Variants in ZNF462 observed in about 807,000 individuals in gnomAD.
ZNF462 encodes zinc finger PBX1-interacting protein.
Under a neutral mutation model 201.9 loss-of-function variants are expected in ZNF462, and 10 were observed. That is an observed-to-expected ratio of 0.05 (90% confidence interval 0.03 to 0.08). The LOEUF (loss-of-function observed/expected upper bound fraction) is 0.08, where lower values mean the gene tolerates loss of function less well. ZNF462 is among the 10% of genes least tolerant of loss of function. ZNF462 has a pLI of 1.00. For synonymous variants in ZNF462, 1,227 were observed against 1,193.3 expected (o/e 1.03, Z -0.58); for missense variants, 2,523 against 3,168.3 (o/e 0.80, Z 4.89).
At position 106,984,686 on chromosome 9, in the gene ZNF462, G is replaced by C. The variant is rs1192034980; in HGVS notation, c.7056+277G>C. Reference sequence around the variant, plus strand: ...CTGTTCTCTAGACCCACTTTCATTTGTTTTACGTAATTGTGATTATACTAT... The same window carrying C: ...CTGTTCTCTAGACCCACTTTCATTTCTTTTACGTAATTGTGATTATACTAT... On this transcript the variant is annotated intron_variant, in intron 10 of 12. Transcript: ENST00000277225. The surrounding 1 kb of genome is among the most constrained non-coding windows in gnomAD (Gnocchi z 6.4). Among the ~76,000 whole-genome samples the C allele has an allele frequency of 6.6e-6, 1 of 152,070 alleles. No individual in the cohort carries two copies. Among genetic ancestry groups the C allele is most frequent in the Non-Finnish European group, 1.5e-5 (1 of 67,998 alleles).
intron 11 of ZNF462, among the ~76,000 whole-genome samples, chr9:107,007,812 G>A (rs1489796884): frequency 6.6e-6 from 1 of 152,154 alleles, no homozygotes; most frequent in Non-Finnish European, 1.5e-5. Flanking sequence ...GTGCCCAGTG[G>A]CCTCCTCCTT....
upstream of ZNF462, among the ~76,000 whole-genome samples, chr9:106,862,076 C>T (rs1184605209): frequency 1.3e-5 from 2 of 152,050 alleles, no homozygotes; most frequent in African/African-American, 2.4e-5. This position sits in a 1 kb window ranked among gnomAD's most constrained non-coding sequence, Gnocchi z 4.2. Context: ...CTCCTCCACC[C>T]CCCCACCTTC....
chr9:106,896,040 C>G (rs952466134), intron 1 of ZNF462, among the ~76,000 whole-genome samples: 1 of 152,106 alleles, frequency 6.6e-6, no homozygotes, highest in African/African-American at 2.4e-5. Context: ...CATAACTGCC[C>G]TCTCCATCTC....
At chr9:106,952,821 C>A (rs10978681) in intron 7 of ZNF462, among the ~76,000 whole-genome samples, 1 of 152,026 alleles carries the variant, frequency 6.6e-6, no homozygotes, top group Non-Finnish European at 1.5e-5. Flanking sequence ...AGACAGGAAC[C>A]TCCATGACTA....
In ZNF462 at chr9:106,924,578, G is replaced by A. The variant is rs371582330; in HGVS notation, c.666G>A (p.Glu222=). ...ACCCCTGCAAGGAACTGCCAGCAGAGGTTGTGGAGCGCAGCATCTTAGAGT... is the reference window on the plus strand; with the variant it reads ...ACCCCTGCAAGGAACTGCCAGCAGAAGTTGTGGAGCGCAGCATCTTAGAGT... ...LQDPCKELPA[E]VVERSILESM... The change falls in exon 3 of 13, where the codon GAG becomes GAA. Residue 222 remains glutamate, a synonymous_variant. Coordinates refer to ENST00000277225, the MANE Select transcript of ZNF462 (RefSeq NM_021224.6). This position sits in a 1 kb window ranked among gnomAD's most constrained non-coding sequence, Gnocchi z 6.2. 42 of 1,614,106 alleles carry A rather than the reference G, an allele frequency of 2.6e-5. No homozygotes were observed. The highest frequency in any genetic ancestry group is 3.3e-5 in the Non-Finnish European group (39 of 1,180,056).
rs201281460 is a variant in ZNF462, at chr9:106,984,403, G to C, written c.7050G>C (p.Glu2350Asp). The change falls in exon 10 of 13, where the codon GAG (glutamate) becomes GAC (aspartate). Residue 2350 changes from glutamate to aspartate, a missense_variant. By Grantham distance (45) the Glu-to-Asp change is conservative (BLOSUM62 2). This residue lies in a region of ZNF462 where 228 missense variants were observed against 361.2 expected (regional missense o/e 0.63). Coordinates refer to ENST00000277225, the MANE Select transcript of ZNF462 (RefSeq NM_021224.6). This position sits in a 1 kb window ranked among gnomAD's most constrained non-coding sequence, Gnocchi z 6.4. The part of the protein sequence containing the change: ...TEELDSHLRD[E>D]HKVSRNFELV... ...AACTGGACAGCCACCTTCGGGATGA[G>C]CATAAGGTACTTACCAGGACTTCCT... 1,020 of 1,611,944 alleles carry C rather than the reference G, an allele frequency of 6.3e-4. 1 individual carries two copies. The highest frequency in any genetic ancestry group is 8.1e-4 in the Non-Finnish European group (959 of 1,179,120).
intron 10 of ZNF462, among the ~76,000 whole-genome samples, chr9:106,987,290 G>T (rs1218537300): frequency 6.6e-6 from 1 of 152,130 alleles, no homozygotes; most frequent in African/African-American, 2.4e-5. Context: ...CAGTGTAGAA[G>T]TGTTCGCTCT....
rs1165924453 is a variant in ZNF462, at chr9:106,863,186, G to A, written c.-200G>A. 9 of 399,152 alleles carry A rather than the reference G, an allele frequency of 2.3e-5. No individual in the cohort carries two copies. The highest frequency in any genetic ancestry group is 3.5e-5 in the Non-Finnish European group (8 of 226,380). The allele number at this position is 399,152 out of a possible 1,614,324, so 24.7% of individuals were successfully genotyped here. A position where few individuals can be genotyped will look rare whatever the true frequency, so the allele number is the denominator to read the frequency against. ...GCAGCGAGTCTGAGGAGCCGAGGAA[G>A]GCAGGGAAGATGGCGATCCTCCATT... On this transcript the variant is annotated 5_prime_UTR_variant, in exon 1 of 13. Transcript: ENST00000277225.
chr9:106,991,839 T>TCTACAC (rs941555040), intron 10 of ZNF462, among the ~76,000 whole-genome samples: 3 of 136,260 alleles, frequency 2.2e-5, no homozygotes, highest in African/African-American at 8.5e-5. Flanking sequence ...CAGCACTCTC[T>TCTACAC]ACACACACAC....
At position 106,905,016 on chromosome 9, in the gene ZNF462, G is replaced by A. The variant is rs1311472379; in HGVS notation, c.-30-18338G>A. ...AGAGCCTTGTTTTGTCATATTACCAGGGTTGGTTTTCTGGTTTCTTCTCAT... is the reference window on the plus strand; with the variant it reads ...AGAGCCTTGTTTTGTCATATTACCAAGGTTGGTTTTCTGGTTTCTTCTCAT... On this transcript the variant is annotated intron_variant, in intron 1 of 12. Transcript: ENST00000277225. This position sits in a 1 kb window ranked among gnomAD's most constrained non-coding sequence, Gnocchi z 5.9. 6.6e-6 allele frequency among the ~76,000 whole-genome samples: 1 copy of A among 152,108 alleles called. No individual in the cohort carries two copies. Among genetic ancestry groups the A allele is most frequent in the Non-Finnish European group, 1.5e-5 (1 of 68,014 alleles).
At position 107,009,676 on chromosome 9, in the gene ZNF462, G is replaced by T; in HGVS notation, c.7313+8G>T. On this transcript the variant is annotated splice_region_variant and intron_variant, in intron 12 of 12. Coordinates refer to ENST00000277225, the MANE Select transcript of ZNF462 (RefSeq NM_021224.6). This position sits in a 1 kb window ranked among gnomAD's most constrained non-coding sequence, Gnocchi z 6.1. ...TGTGCTGAGACACGGCATGTAAGTT[G>T]GGCCACTTCAAGGATGCCTTTGTCC... The T allele has an allele frequency of 6.2e-7, 1 of 1,612,738 alleles. No homozygotes were observed. The highest frequency in any genetic ancestry group is 8.5e-7 in the Non-Finnish European group (1 of 1,179,834).
At chr9:106,916,986 C>T (rs1008717883) in intron 1 of ZNF462, among the ~76,000 whole-genome samples, 1 of 152,228 alleles carries the variant, frequency 6.6e-6, no homozygotes, top group African/African-American at 2.4e-5. Flanking sequence ...CTTTTATCTC[C>T]TTATTCAAAT....
In ZNF462 at chr9:106,872,583, G is replaced by A. The variant is rs1471506201; in HGVS notation, c.-31+9228G>A. The stretch of plus-strand genomic sequence containing the variant: ...TCACTGTGTTGTCCAGGCTGGTCTC[G>A]AACTCCTGAGCTCAGGCAATCTGCC... On this transcript the variant is annotated intron_variant, in intron 1 of 12. Transcript: ENST00000277225. This position sits in a 1 kb window ranked among gnomAD's most constrained non-coding sequence, Gnocchi z 4.5. Among the ~76,000 whole-genome samples the A allele has an allele frequency of 6.6e-6, 1 of 151,986 alleles. No homozygotes were observed. Among genetic ancestry groups the A allele is most frequent in the Admixed American group, 6.6e-5 (1 of 15,250 alleles).
At chr9:106,863,502 T>C in intron 1 of ZNF462, 147 bp downstream of exon 1, 1 of 260,510 alleles carries the variant, frequency 3.8e-6, no homozygotes, top group Non-Finnish European at 6.9e-6. Context: ...CTGCATGGAC[T>C]GGCTGTTGGA....
chr9:106,880,668 T>C lies in ZNF462; in HGVS notation c.-31+17313T>C, dbSNP rs916871529. ...TTTTATTAATGGTTTAAGTTGGGCC[T>C]TTTATAACTGATACTCACCTATATT... On this transcript the variant is annotated intron_variant, in intron 1 of 12. Coordinates refer to ENST00000277225, the MANE Select transcript of ZNF462 (RefSeq NM_021224.6). The surrounding 1 kb of genome is among the most constrained non-coding windows in gnomAD (Gnocchi z 4.1). Among the ~76,000 whole-genome samples, 8 of 152,226 alleles carry C rather than the reference T, an allele frequency of 5.3e-5. No homozygotes were observed. Among genetic ancestry groups the C allele is most frequent in the African/African-American group, 1.9e-4 (8 of 41,456 alleles).
intron 1 of ZNF462, among the ~76,000 whole-genome samples, chr9:106,869,397 G>A (rs1426666397): frequency 6.6e-6 from 1 of 152,178 alleles, no homozygotes; most frequent in Non-Finnish European, 1.5e-5. Context: ...TAACAACACA[G>A]ACATTTAACC....
chr9:106,952,823 C>T (rs945571822), intron 7 of ZNF462, among the ~76,000 whole-genome samples: 1 of 152,116 alleles, frequency 6.6e-6, no homozygotes, highest in Non-Finnish European at 1.5e-5. Context: ...ACAGGAACCT[C>T]CATGACTAGC....
In ZNF462 at chr9:107,009,455, G is replaced by A. The variant is rs1020338942; in HGVS notation, c.7190-90G>A. Reference sequence around the variant, plus strand: ...TCACCACATGGCTTTATCAGTGAAGGTAGGAGAGAGGGTATCCTAATGAAT... The same window carrying A: ...TCACCACATGGCTTTATCAGTGAAGATAGGAGAGAGGGTATCCTAATGAAT... On this transcript the variant is annotated intron_variant, in intron 11 of 12. Transcript: ENST00000277225. This position sits in a 1 kb window ranked among gnomAD's most constrained non-coding sequence, Gnocchi z 6.1. 5.2e-6 allele frequency: 8 copies of A among 1,539,650 alleles called. No homozygotes were observed. Among genetic ancestry groups the A allele is most frequent in the Non-Finnish European group, 7.1e-6 (8 of 1,128,948 alleles).
chr9:106,930,593 C>T lies in ZNF462; in HGVS notation c.5916C>T (p.Phe1972=). ...ERKVVGYKCK[F]CVEVHPTLRA... The stretch of plus-strand genomic sequence containing the variant: ...AAGTGGTGGGCTACAAATGTAAATT[C>T]TGTGTGGAAGTGCACCCAACGCTCC... Residue 1972 remains phenylalanine, a synonymous_variant, in exon 4 of 13, where the codon TTC becomes TTT. Transcript: ENST00000277225. This position sits in a 1 kb window ranked among gnomAD's most constrained non-coding sequence, Gnocchi z 5.8. 1 of 1,614,132 alleles carries T rather than the reference C, an allele frequency of 6.2e-7. No homozygotes were observed. Among genetic ancestry groups the T allele is most frequent in the Non-Finnish European group, 8.5e-7 (1 of 1,180,020 alleles).
Sources: allele counts gnomAD v4.1 joint callset (sites outside exome capture counted in the v4.1 genomes callset), GRCh38; gene constraint gnomAD v4.1.1; regional missense constraint gnomAD v4.1.1; non-coding constraint Gnocchi (gnomAD v3.1); transcripts MANE v1.5; gene names NCBI Gene and HGNC (gene_info 2026-07-23, HGNC 2026-07-21).